OSBPL8: variants seen among roughly 807,000 people sequenced by gnomAD.
OSBPL8 encodes oxysterol-binding protein-related protein 8.
In OSBPL8, 59 loss-of-function variants were observed where a neutral mutation model predicts 125.5. The observed-to-expected ratio is 0.47, with a 90% CI of 0.38 to 0.58. The LOEUF is 0.58. Ranked by LOEUF, OSBPL8 falls within the 20% of genes least tolerant of loss-of-function variation. The pLI is 0.00. For missense variants in OSBPL8, 758 were observed against 1,047.8 expected (o/e 0.72, Z 3.82); for synonymous variants, 330 against 338.9 (o/e 0.97, Z 0.29).
chr12:76,555,453 A>C (rs1415859266), intron 1 of OSBPL8, among the ~76,000 whole-genome samples: 1 of 152,190 alleles, frequency 6.6e-6, no homozygotes, highest in Non-Finnish European at 1.5e-5. Context: ...ACATAATGCC[A>C]TGAGTCATCT....
intron 4 of OSBPL8, among the ~76,000 whole-genome samples, chr12:76,433,260 C>A (rs547066137): frequency 2.6e-5 from 4 of 152,130 alleles, no homozygotes; most frequent in Admixed American, 6.5e-5. Flanking sequence ...TAAAAGGTGT[C>A]CAACAGGAAA....
intron 1 of OSBPL8, among the ~76,000 whole-genome samples, chr12:76,535,562 T>A (rs757306300): frequency 1.6e-4 from 24 of 152,162 alleles, no homozygotes; most frequent in Non-Finnish European, 3.1e-4. Flanking sequence ...AATGGAAACA[T>A]GTCCACTCAA....
At chr12:76,444,391 AC>A (rs965614835) in intron 4 of OSBPL8, among the ~76,000 whole-genome samples, 4 of 152,214 alleles carry the variant, frequency 2.6e-5, no homozygotes, top group Non-Finnish European at 1.5e-5. Context: ...AACTGAGATA[AC>A]AGTATCACCT....
At chr12:76,530,388 G>A (rs752247412) in intron 1 of OSBPL8, among the ~76,000 whole-genome samples, 2 of 151,836 alleles carry the variant, frequency 1.3e-5, no homozygotes, top group Non-Finnish European at 2.9e-5. Flanking sequence ...GCTGTTCTTT[G>A]CCTAAAACAC....
chr12:76,531,095 G>A (rs774503999), intron 1 of OSBPL8, among the ~76,000 whole-genome samples: 2 of 152,162 alleles, frequency 1.3e-5, no homozygotes, highest in Non-Finnish European at 2.9e-5. Flanking sequence ...GGCTGAGAAG[G>A]CCTCAGGAAA....
chr12:76,517,923 C>A (rs917022909), intron 1 of OSBPL8, among the ~76,000 whole-genome samples: 6 of 152,156 alleles, frequency 3.9e-5, no homozygotes, highest in Admixed American at 1.3e-4. Flanking sequence ...TCCCACCAGG[C>A]CCTACTGCCA....
chr12:76,531,933 C>A (rs978973810), intron 1 of OSBPL8, among the ~76,000 whole-genome samples: 5 of 147,636 alleles, frequency 3.4e-5, no homozygotes, highest in Middle Eastern at 3.5e-3. Context: ...GCTACTCAGG[C>A]GGCTGAGGCA....
chr12:76,377,738 CA>C (rs1461515926), intron 16 of OSBPL8, among the ~76,000 whole-genome samples: 5 of 152,102 alleles, frequency 3.3e-5, no homozygotes, highest in African/African-American at 1.2e-4. Context: ...TAAACTGATG[CA>C]AAATAGTTGA....
chr12:76,545,371 A>T (rs1007610223), intron 1 of OSBPL8, among the ~76,000 whole-genome samples: 5 of 152,214 alleles, frequency 3.3e-5, no homozygotes, highest in African/African-American at 1.2e-4. Context: ...GGAAAAAATT[A>T]ATGAATTTCT....
rs535969581 is a variant in OSBPL8, at chr12:76,439,109, G to A, written c.217+11742C>T. Reference sequence around the variant, plus strand: ...GATATAGAGCACACAGGCCGGACGCGGTGGCTCACGCCTGTAATCCTAGCA... The same window carrying A: ...GATATAGAGCACACAGGCCGGACGCAGTGGCTCACGCCTGTAATCCTAGCA... On this transcript the variant is annotated intron_variant, in intron 4 of 23. Coordinates refer to ENST00000261183, the MANE Select transcript of OSBPL8 (RefSeq NM_020841.5). Among the ~76,000 whole-genome samples, 51 of 152,246 alleles carry A rather than the reference G, an allele frequency of 3.3e-4. 1 individual carries two copies. The South Asian group carries it at 7.7e-3, about 23-fold the overall frequency.
At chr12:76,540,487 C>CGTGT (rs59101769) in intron 1 of OSBPL8, among the ~76,000 whole-genome samples, 1,791 of 141,726 alleles carry the variant, frequency 0.013, 37 homozygotes, top group African/African-American at 0.039. Context: ...ATTATATAGT[C>CGTGT]GTGTGTGTGT....
At chr12:76,421,788 A>G (rs1241175087) in intron 4 of OSBPL8, among the ~76,000 whole-genome samples, 1 of 152,072 alleles carries the variant, frequency 6.6e-6, no homozygotes, top group Non-Finnish European at 1.5e-5. Flanking sequence ...ACATATTCAA[A>G]TATTTGCTAC....
At chr12:76,531,445 C>T (rs763601367) in intron 1 of OSBPL8, among the ~76,000 whole-genome samples, 1 of 152,178 alleles carries the variant, frequency 6.6e-6, no homozygotes, top group Non-Finnish European at 1.5e-5. Flanking sequence ...TCCCTTCAGA[C>T]CAATTGCTTG....
At chr12:76,522,183 C>T (rs764713415) in intron 1 of OSBPL8, among the ~76,000 whole-genome samples, 4 of 152,024 alleles carry the variant, frequency 2.6e-5, no homozygotes, top group Non-Finnish European at 4.4e-5. Flanking sequence ...AATAAATGAA[C>T]CTGTCTTTCC....
rs190298836 is a variant in OSBPL8 at position 76,418,373 on chromosome 12, A to G, written c.218-7739T>C. The stretch of plus-strand genomic sequence containing the variant: ...TCTCTTGTTTAACTTACATAAAGTA[A>G]TAAGAGTATCTCTGGGGTACTTTAT... On this transcript the variant is annotated intron_variant, in intron 4 of 23. Transcript: ENST00000261183. Among the ~76,000 whole-genome samples the G allele has an allele frequency of 4.7e-3, 722 of 152,292 alleles. 4 individuals carry two copies. The highest frequency in any genetic ancestry group is 0.017 in the African/African-American group (695 of 41,562).
At chr12:76,554,079 T>C (rs1951024818) in intron 1 of OSBPL8, among the ~76,000 whole-genome samples, 1 of 151,888 alleles carries the variant, frequency 6.6e-6, no homozygotes, top group Non-Finnish European at 1.5e-5. Context: ...TAGCTTTAAA[T>C]ACTGTTATCT....
At chr12:76,532,589 T>C (rs1950375346) in intron 1 of OSBPL8, among the ~76,000 whole-genome samples, 3 of 152,140 alleles carry the variant, frequency 2.0e-5, no homozygotes, top group Non-Finnish European at 4.4e-5. Context: ...ATTTTTGTTT[T>C]AACCTGTCCG....
Position 76,353,853 on chromosome 12 carries a change from A to T in OSBPL8, c.*2036T>A, listed in dbSNP as rs1342490175. ...ACCCATAACATTTGCTCTAAAAAGA[A>T]ATTTTAAAAATAAAGAACACAACTA... On this transcript the variant is annotated 3_prime_UTR_variant, in exon 24 of 24. Transcript: ENST00000261183. 1 of 152,436 alleles carries T rather than the reference A, an allele frequency of 6.6e-6. No individual in the cohort carries two copies. The highest frequency in any genetic ancestry group is 2.4e-5 in the African/African-American group (1 of 41,458). The allele number at this position is 152,436 out of a possible 1,614,324, so 9.4% of individuals were successfully genotyped here. A position where few individuals can be genotyped will look rare whatever the true frequency, so the allele number is the denominator to read the frequency against.
intron 4 of OSBPL8, among the ~76,000 whole-genome samples, chr12:76,416,599 A>C (rs982136748): frequency 1.3e-5 from 2 of 152,002 alleles, no homozygotes; most frequent in African/African-American, 4.8e-5. Flanking sequence ...TTTTGCCTCA[A>C]AATTTATTCT....
Sources: allele counts gnomAD v4.1 joint callset (sites outside exome capture counted in the v4.1 genomes callset), GRCh38; gene constraint gnomAD v4.1.1; transcripts MANE v1.5; gene names NCBI Gene and HGNC (gene_info 2026-07-23, HGNC 2026-07-21).